DPYD: variants seen among roughly 807,000 people sequenced by gnomAD.
DPYD encodes dihydropyrimidine dehydrogenase [NADP(+)].
In DPYD, 109 loss-of-function variants were observed where a neutral mutation model predicts 116.2. The observed-to-expected ratio is 0.94, with a 90% CI of 0.80 to 1.10. DPYD has a LOEUF of 1.10. DPYD is among the 50% of genes least tolerant of loss of function. The probability of loss-of-function intolerance (pLI) is 0.00; values close to 1 mark genes in which losing one functional copy is unlikely to be tolerated. For missense variants in DPYD, 1,302 were observed against 1,254.5 expected, an observed-to-expected ratio of 1.04 and a Z score of -0.57; for synonymous variants, 440 against 432.0, an observed-to-expected ratio of 1.02 and a Z score of -0.23.
At chr1:97,663,256 G>A (rs114747781) in intron 8 of DPYD, among the ~76,000 whole-genome samples, 2 of 152,070 alleles carry the variant, frequency 1.3e-5, no homozygotes, top group African/African-American at 2.4e-5. Flanking sequence ...AATCTCAAAC[G>A]TAAGAAGTCA....
At chr1:97,538,881 AG>A (rs1265831261) in intron 12 of DPYD, among the ~76,000 whole-genome samples, 1 of 152,154 alleles carries the variant, frequency 6.6e-6, no homozygotes, top group African/African-American at 2.4e-5. Context: ...TTAGTTTCAG[AG>A]GGGGGTTGAC....
intron 19 of DPYD, 75 bp downstream of exon 19, chr1:97,234,777 T>C (rs1252850399): frequency 1.9e-6 from 3 of 1,588,172 alleles, no homozygotes; most frequent in African/African-American, 1.3e-5. Context: ...GAATCTATTT[T>C]TTTTTTGTCA....
intron 19 of DPYD, among the ~76,000 whole-genome samples, chr1:97,194,629 C>T (rs1029052025): frequency 2.0e-5 from 3 of 151,942 alleles, no homozygotes; most frequent in African/African-American, 4.8e-5. Context: ...CTCTGCCTCT[C>T]GAGTAGCTGG....
At chr1:97,481,961 T>G (rs1678341649) in intron 13 of DPYD, among the ~76,000 whole-genome samples, 1 of 152,186 alleles carries the variant, frequency 6.6e-6, no homozygotes, top group African/African-American at 2.4e-5. Context: ...TGATAGTAGA[T>G]TATAAACCAT....
chr1:97,783,992 A>G (rs1225011817), intron 3 of DPYD, among the ~76,000 whole-genome samples: 1 of 152,190 alleles, frequency 6.6e-6, no homozygotes, highest in African/African-American at 2.4e-5. Context: ...TGGCTTAATA[A>G]GCAGGGAGGA....
intron 4 of DPYD, among the ~76,000 whole-genome samples, chr1:97,728,904 G>C (rs1015740758): frequency 6.6e-6 from 1 of 151,620 alleles, no homozygotes; most frequent in Non-Finnish European, 1.5e-5. Context: ...GATATATTGT[G>C]AACAGAACAC....
At position 97,800,821 on chromosome 1, in the gene DPYD, T is replaced by C. The variant is rs536017135; in HGVS notation, c.233+27293A>G. On this transcript the variant is annotated intron_variant, in intron 3 of 22. Coordinates refer to ENST00000370192, the MANE Select transcript of DPYD (RefSeq NM_000110.4). ...TCCTTCCACCTTCTGTAGAGTCAAA[T>C]GCTTTTAACTTTCATCTCTTCTGTT... Among the ~76,000 whole-genome samples the C allele has an allele frequency of 1.9e-4, 29 of 152,042 alleles. No homozygotes were observed. The South Asian group carries it at 5.8e-3, about 30-fold the overall frequency.
chr1:97,295,631 A>G, intron 18 of DPYD: 1 of 294,720 alleles, frequency 3.4e-6, no homozygotes, highest in Non-Finnish European at 5.0e-6. Flanking sequence ...GGGTTTCACC[A>G]TGTTGCTCAG....
intron 14 of DPYD, among the ~76,000 whole-genome samples, chr1:97,439,999 G>C (rs369229625): frequency 6.6e-6 from 1 of 151,728 alleles, no homozygotes; most frequent in East Asian, 1.9e-4. Flanking sequence ...TTTTCGGCCG[G>C]GCGCGGTGGC....
chr1:97,463,599 AG>A (rs1162636716), intron 13 of DPYD, among the ~76,000 whole-genome samples: 1 of 152,190 alleles, frequency 6.6e-6, no homozygotes, highest in Non-Finnish European at 1.5e-5. Context: ...TGGAGAGCTC[AG>A]AAAAAGGAAA....
intron 8 of DPYD, among the ~76,000 whole-genome samples, chr1:97,673,780 G>C (rs1659998630): frequency 6.6e-6 from 1 of 151,942 alleles, no homozygotes; most frequent in South Asian, 2.1e-4. Flanking sequence ...ATGAAGGTAG[G>C]GAGTAGATCA....
At chr1:97,472,242 C>T (rs1677705612) in intron 13 of DPYD, among the ~76,000 whole-genome samples, 1 of 152,146 alleles carries the variant, frequency 6.6e-6, no homozygotes, top group African/African-American at 2.4e-5. Flanking sequence ...CTGAAGAGTT[C>T]CTCTTAACTA....
chr1:97,248,861 A>T lies in DPYD; in HGVS notation c.2300-13867T>A, dbSNP rs567609881. Among the ~76,000 whole-genome samples the T allele has an allele frequency of 3.1e-4, 47 of 152,324 alleles. No homozygotes were observed. The South Asian group carries it at 9.5e-3, about 31-fold the overall frequency. ...AAAAAATAGTATTCACAATAGCACC[A>T]AAAAGCAACAATAGGAGTACATTTA... is the stretch of plus-strand genomic sequence containing the variant. On this transcript the variant is annotated intron_variant, in intron 18 of 22. Coordinates refer to ENST00000370192, the MANE Select transcript of DPYD (RefSeq NM_000110.4).
intron 5 of DPYD, among the ~76,000 whole-genome samples, chr1:97,716,998 T>C (rs1448096054): frequency 6.6e-6 from 1 of 152,054 alleles, no homozygotes; most frequent in African/African-American, 2.4e-5. Context: ...GATGTTTTGA[T>C]AGATGCATAC....
chr1:97,829,990 C>T (rs577305751), intron 2 of DPYD, among the ~76,000 whole-genome samples: 1 of 151,852 alleles, frequency 6.6e-6, no homozygotes, highest in East Asian at 2.0e-4. Context: ...TGAGTGAGAA[C>T]ATGCTGTGTT....
chr1:97,860,480 A>T (rs1173851188), intron 2 of DPYD, among the ~76,000 whole-genome samples: 2 of 152,202 alleles, frequency 1.3e-5, no homozygotes, highest in African/African-American at 4.8e-5. Context: ...CAAATGAAAT[A>T]AAACATATCT....
chr1:97,546,729 T>G (rs1650896090), intron 12 of DPYD: 9 of 1,613,102 alleles, frequency 5.6e-6, no homozygotes, highest in Non-Finnish European at 7.6e-6. Context: ...AGCTGAAGTT[T>G]CCTGCACCAG....
rs1801266 is a variant in DPYD, at chr1:97,691,776, G to A, written c.703C>T (p.Arg235Trp). The change falls in exon 7 of 23, where the codon CGG (arginine) becomes TGG (tryptophan). Residue 235 changes from arginine to tryptophan, a missense_variant. Arg to Trp is a moderately radical substitution (Grantham distance 101). Transcript: ENST00000370192. ...AAATTCACTACATCATACGGCAGCCGGAACTGAGGAATTTCAGAAGTACTG... is the reference window on the plus strand; with the variant it reads ...AAATTCACTACATCATACGGCAGCCAGAACTGAGGAATTTCAGAAGTACTG... ...GLSTSEIPQF[R>W]LPYDVVNFEI... 77 of 1,613,280 alleles carry A rather than the reference G, an allele frequency of 4.8e-5. No homozygotes were observed. The highest frequency in any genetic ancestry group is 3.0e-4 in the South Asian group (27 of 91,056).
At chr1:97,473,997 C>G (rs1393064944) in intron 13 of DPYD, among the ~76,000 whole-genome samples, 1 of 112,080 alleles carries the variant, frequency 8.9e-6, no homozygotes, top group African/African-American at 3.4e-5. Flanking sequence ...GCCTGGGCAA[C>G]AGAGTGAGAA....
Sources: allele counts gnomAD v4.1 joint callset (sites outside exome capture counted in the v4.1 genomes callset), GRCh38; gene constraint gnomAD v4.1.1; transcripts MANE v1.5; gene names NCBI Gene and HGNC (gene_info 2026-07-23, HGNC 2026-07-21).